The following KCNIP4 variants were observed in gnomAD, a reference collection of about 807,000 sequenced individuals.
KCNIP4 encodes the protein potassium voltage-gated channel interacting protein 4.
In KCNIP4, 12 loss-of-function variants were observed where a neutral mutation model predicts 34.0. The ratio of observed to expected loss-of-function variants is 0.35; its 90% confidence interval spans 0.23 to 0.57. KCNIP4 has a LOEUF of 0.57. Ranked by LOEUF, KCNIP4 falls within the 20% of genes least tolerant of loss-of-function variation. The pLI is 0.83. For missense variants in KCNIP4, 238 were observed against 311.7 expected (o/e 0.76, Z 1.78); for synonymous variants, 124 against 102.2 (o/e 1.21, Z -1.29).
At chr4:20,969,093 C>G (rs1167256578) in intron 1 of KCNIP4, among the ~76,000 whole-genome samples, 2 of 152,090 alleles carry the variant, frequency 1.3e-5, no homozygotes, top group African/African-American at 4.8e-5. Context: ...AATACAGACC[C>G]AGGAAATACT....
At chr4:21,730,229 G>A (rs1318647827) in intron 1 of KCNIP4, 1 of 152,106 alleles carries the variant, frequency 6.6e-6, no homozygotes, top group Non-Finnish European at 1.5e-5. Context: ...ATTGGGAAAG[G>A]GAGAGATCAA....
intron 1 of KCNIP4, among the ~76,000 whole-genome samples, chr4:21,631,925 C>T (rs1000431173): frequency 3.9e-5 from 6 of 152,164 alleles, no homozygotes; most frequent in Non-Finnish European, 5.9e-5. Context: ...TATTTGGGTG[C>T]CACATTCAAG....
At chr4:20,855,425 C>T (rs558578269) in intron 2 of KCNIP4, among the ~76,000 whole-genome samples, 1 of 152,292 alleles carries the variant, frequency 6.6e-6, no homozygotes, top group Admixed American at 6.5e-5. Flanking sequence ...CAGCTCCTCT[C>T]ATCCCAGAGC....
At chr4:21,044,807 A>G (rs1742295914) in intron 1 of KCNIP4, among the ~76,000 whole-genome samples, 1 of 152,122 alleles carries the variant, frequency 6.6e-6, no homozygotes, top group Non-Finnish European at 1.5e-5. Context: ...GTGAATTTCC[A>G]TGTCCAGGGG....
intron 1 of KCNIP4, among the ~76,000 whole-genome samples, chr4:21,462,726 GAT>G (rs35341402): frequency 0.67 from 101,079 of 150,794 alleles, 34,058 homozygotes; most frequent in African/African-American, 0.72. Flanking sequence ...TGTCACAAAT[GAT>G]ATAGGATTTT....
chr4:20,829,332 T>C (rs142391015), intron 3 of KCNIP4, among the ~76,000 whole-genome samples: 2,527 of 152,184 alleles, frequency 0.017, 77 homozygotes, highest in African/African-American at 0.058. Flanking sequence ...CTCAGTCTCC[T>C]GAGTAGCTGG....
At chr4:21,345,565 A>G (rs533221760) in intron 1 of KCNIP4, among the ~76,000 whole-genome samples, 5 of 152,246 alleles carry the variant, frequency 3.3e-5, no homozygotes, top group East Asian at 1.9e-4. Flanking sequence ...TCCTACTCCA[A>G]TGGAAACACT....
chr4:21,726,579 C>T (rs1272106387), intron 1 of KCNIP4, among the ~76,000 whole-genome samples: 3 of 152,152 alleles, frequency 2.0e-5, no homozygotes, highest in African/African-American at 7.2e-5. Flanking sequence ...CAATTTGAGT[C>T]CTGCTTTCAG....
chr4:21,006,884 T>C (rs1738611484), intron 1 of KCNIP4, among the ~76,000 whole-genome samples: 1 of 152,144 alleles, frequency 6.6e-6, no homozygotes, highest in South Asian at 2.1e-4. Context: ...CTGAACAAGA[T>C]GTAGCACCTG....
At position 21,223,375 on chromosome 4, in the gene KCNIP4, T is replaced by C. The variant is rs73802512; in HGVS notation, c.62-340666A>G. Reference sequence around the variant, plus strand: ...AGAAACCAGCCCTGCTAGCTTATTTTAGACTTCTGACCTCCAGAACTGTAA... The same window carrying C: ...AGAAACCAGCCCTGCTAGCTTATTTCAGACTTCTGACCTCCAGAACTGTAA... On this transcript the variant is annotated intron_variant, in intron 1 of 8. Coordinates refer to ENST00000382152, the MANE Select transcript of KCNIP4 (RefSeq NM_025221.6). Among the ~76,000 whole-genome samples, 1,369 of 152,346 alleles carry C rather than the reference T, an allele frequency of 9.0e-3. 17 individuals carry two copies. The highest frequency in any genetic ancestry group is 0.03 in the African/African-American group (1,264 of 41,586).
chr4:20,810,945 G>A (rs915493972), intron 3 of KCNIP4, among the ~76,000 whole-genome samples: 2 of 152,138 alleles, frequency 1.3e-5, no homozygotes, highest in Admixed American at 6.5e-5. Flanking sequence ...CTGGGACAGA[G>A]GCATTGATGA....
chr4:21,869,047 C>A (rs148637508), intron 1 of KCNIP4, among the ~76,000 whole-genome samples: 235 of 152,236 alleles, frequency 1.5e-3, no homozygotes, highest in Admixed American at 2.7e-3. Flanking sequence ...CTAAGTTGAC[C>A]CTATCTATTC....
At chr4:20,944,809 T>G (rs1732023160) in intron 1 of KCNIP4, among the ~76,000 whole-genome samples, 1 of 152,198 alleles carries the variant, frequency 6.6e-6, no homozygotes, top group Non-Finnish European at 1.5e-5. Flanking sequence ...ATTCACTAAC[T>G]CATATGTAAA....
intron 1 of KCNIP4, among the ~76,000 whole-genome samples, chr4:21,115,625 C>G (rs967740791): frequency 6.6e-6 from 1 of 152,018 alleles, no homozygotes; most frequent in Non-Finnish European, 1.5e-5. Flanking sequence ...CAAGCAAAGC[C>G]TAAATACCTA....
At chr4:21,166,840 G>A (rs1239720348) in intron 1 of KCNIP4, among the ~76,000 whole-genome samples, 1 of 149,678 alleles carries the variant, frequency 6.7e-6, no homozygotes, top group Non-Finnish European at 1.5e-5. Flanking sequence ...TTGGGAGGCT[G>A]AGGCAAGAGA....
chr4:20,976,395 A>T (rs1016580163), intron 1 of KCNIP4, among the ~76,000 whole-genome samples: 1 of 152,176 alleles, frequency 6.6e-6, no homozygotes, highest in African/African-American at 2.4e-5. Context: ...CAAGAAAGGC[A>T]CTTATTGGCT....
intron 1 of KCNIP4, among the ~76,000 whole-genome samples, chr4:21,326,674 A>G (rs1431424049): frequency 6.7e-6 from 1 of 149,096 alleles, no homozygotes; most frequent in Non-Finnish European, 1.5e-5. Flanking sequence ...TACCCCTGCC[A>G]TTTTGTTATG....
chr4:20,810,061 C>G (rs1715535388), intron 3 of KCNIP4, among the ~76,000 whole-genome samples: 1 of 152,200 alleles, frequency 6.6e-6, no homozygotes, highest in Non-Finnish European at 1.5e-5. Flanking sequence ...AAGGTGAGCA[C>G]TCTGATGTCT....
intron 1 of KCNIP4, among the ~76,000 whole-genome samples, chr4:21,435,501 C>G (rs1726869208): frequency 6.6e-6 from 1 of 152,106 alleles, no homozygotes; most frequent in Non-Finnish European, 1.5e-5. Context: ...TGATTGGAAT[C>G]ATGGGAAGCC....
Sources: allele counts gnomAD v4.1 joint callset (sites outside exome capture counted in the v4.1 genomes callset), GRCh38; gene constraint gnomAD v4.1.1; transcripts MANE v1.5; gene names NCBI Gene and HGNC (gene_info 2026-07-23, HGNC 2026-07-21).